Variants in CCDC85C observed in about 807,000 individuals in gnomAD.
CCDC85C encodes the protein coiled-coil domain containing 85C, also known as coiled-coil domain-containing protein 85C.
CCDC85C carries 18 observed loss-of-function variants against 38.3 expected under a neutral mutation model. That is an observed-to-expected ratio of 0.47 (90% CI 0.33 to 0.70). The LOEUF (loss-of-function observed/expected upper bound fraction) is 0.70, where lower values mean the gene tolerates loss of function less well. Ranked by LOEUF, CCDC85C falls within the 30% of genes least tolerant of loss-of-function variation. The pLI is 0.03. For missense variants in CCDC85C, 566 were observed against 621.2 expected (o/e 0.91, Z 0.94); for synonymous variants, 264 against 293.8 (o/e 0.90, Z 1.04).
intron 2 of CCDC85C, among the ~76,000 whole-genome samples, chr14:99,524,982 G>A (rs1261342006): frequency 6.6e-6 from 1 of 152,244 alleles, no homozygotes; most frequent in Non-Finnish European, 1.5e-5. Context: ...GGTGGGGCCA[G>A]CCCTGCCAAA....
At chr14:99,577,475 G>A (rs182906998) in intron 1 of CCDC85C, among the ~76,000 whole-genome samples, 3 of 151,176 alleles carry the variant, frequency 2.0e-5, no homozygotes, top group East Asian at 2.0e-4. Context: ...TGGGCACGCC[G>A]CCTCACCTCT....
intron 1 of CCDC85C, among the ~76,000 whole-genome samples, chr14:99,575,447 G>A (rs920330495): frequency 6.6e-6 from 1 of 152,180 alleles, no homozygotes; most frequent in South Asian, 2.1e-4. Context: ...CACCTCGAAG[G>A]GTTGCCAGAA....
In CCDC85C at chr14:99,603,155, T is replaced by C; in HGVS notation, c.793+12A>G. 1 of 1,353,064 alleles carries C rather than the reference T, an allele frequency of 7.4e-7. No individual in the cohort carries two copies. Among genetic ancestry groups the C allele is most frequent in the Admixed American group, 3.6e-5 (1 of 27,514 alleles). 83.8% of individuals were successfully genotyped at this position (1,353,064 alleles called of 1,614,324 possible). A position where few individuals can be genotyped will look rare whatever the true frequency, so the allele number is the denominator to read the frequency against. ...AGGGAGACCCGCGCTGCCCGGCCCG[T>C]GTAGTCCTTACCGTGCAGGCCGTTG... On this transcript the variant is annotated intron_variant, in intron 1 of 5. Coordinates refer to ENST00000380243, the MANE Select transcript of CCDC85C (RefSeq NM_001144995.2). The surrounding 1 kb of genome is among the most constrained non-coding windows in gnomAD (Gnocchi z 7.5).
chr14:99,557,110 G>C (rs1218497181), intron 1 of CCDC85C, among the ~76,000 whole-genome samples: 1 of 152,194 alleles, frequency 6.6e-6, no homozygotes, highest in African/African-American at 2.4e-5. Flanking sequence ...CTTTACCTCT[G>C]TTACCTTCTC....
At chr14:99,590,897 A>G (rs1420710682) in intron 1 of CCDC85C, among the ~76,000 whole-genome samples, 2 of 152,228 alleles carry the variant, frequency 1.3e-5, no homozygotes, top group African/African-American at 4.8e-5. Context: ...GCAGGGGCCA[A>G]GCCCAGAGTC....
rs539049138 is a variant in CCDC85C at position 99,544,629 on chromosome 14, C to T, written c.794-8541G>A. On this transcript the variant is annotated intron_variant, in intron 1 of 5. Transcript: ENST00000380243. This position sits in a 1 kb window ranked among gnomAD's most constrained non-coding sequence, Gnocchi z 5.3. ...CCTCTCCCAGAGCAGAAATTCTCTT[C>T]GTGACGCAAGGTGACTTTCAGGGCC... 1.3e-5 allele frequency among the ~76,000 whole-genome samples: 2 copies of T among 152,252 alleles called. No individual in the cohort carries two copies. Among genetic ancestry groups the T allele is most frequent in the African/African-American group, 2.4e-5 (1 of 41,540 alleles).
At chr14:99,537,952 A>C (rs1349950916) in intron 1 of CCDC85C, among the ~76,000 whole-genome samples, 1 of 152,176 alleles carries the variant, frequency 6.6e-6, no homozygotes, top group African/African-American at 2.4e-5. Flanking sequence ...GGCTCCCTGG[A>C]ACACCAGCTG....
At chr14:99,534,705 G>T (rs1429257456) in intron 2 of CCDC85C, 1 of 702,408 alleles carries the variant, frequency 1.4e-6, no homozygotes, top group Admixed American at 2.0e-5. Flanking sequence ...GCCCCGCCAG[G>T]TCTGCAATGG....
chr14:99,568,701 C>T (rs913268860), intron 1 of CCDC85C, among the ~76,000 whole-genome samples: 2 of 152,230 alleles, frequency 1.3e-5, no homozygotes, highest in African/African-American at 2.4e-5. Flanking sequence ...AGGGCAGGGC[C>T]GCTGGGCTGC....
intron 1 of CCDC85C, 78 bp from the exon 2 acceptor site, chr14:99,536,166 G>A: frequency 9.9e-7 from 1 of 1,014,604 alleles, no homozygotes; most frequent in South Asian, 1.4e-5. Flanking sequence ...ACTGGCCCCA[G>A]ACCCGGCATG....
intron 1 of CCDC85C, among the ~76,000 whole-genome samples, chr14:99,561,512 C>A (rs1212404649): frequency 6.6e-6 from 1 of 152,216 alleles, no homozygotes; most frequent in Non-Finnish European, 1.5e-5. Context: ...AGTCCCTCCC[C>A]CACTGGAAAA....
At chr14:99,540,083 G>T (rs1897681767) in intron 1 of CCDC85C, among the ~76,000 whole-genome samples, 1 of 152,204 alleles carries the variant, frequency 6.6e-6, no homozygotes, top group East Asian at 1.9e-4. Flanking sequence ...GGGAGGCAGA[G>T]GTTGCAGTGA....
chr14:99,528,242 G>A (rs560803577), intron 2 of CCDC85C, among the ~76,000 whole-genome samples: 58 of 152,186 alleles, frequency 3.8e-4, no homozygotes, highest in Non-Finnish European at 7.2e-4. Flanking sequence ...TCGGGCGGCC[G>A]TAGGGGCGGG....
At chr14:99,534,119 C>T (rs10136578) in intron 2 of CCDC85C, among the ~76,000 whole-genome samples, 1 of 151,898 alleles carries the variant, frequency 6.6e-6, no homozygotes, top group Non-Finnish European at 1.5e-5. Flanking sequence ...ACTTTGGGAG[C>T]CTGATGTGAG....
chr14:99,603,716 G>A lies in CCDC85C; in HGVS notation c.244C>T (p.Gln82Ter). Residue 82 changes from glutamine to a stop codon, truncating the protein, a stop_gained, in exon 1 of 6, where the codon CAG becomes TAG. Coordinates refer to ENST00000380243, the MANE Select transcript of CCDC85C (RefSeq NM_001144995.2). LOFTEE classifies it high-confidence loss of function. This position sits in a 1 kb window ranked among gnomAD's most constrained non-coding sequence, Gnocchi z 7.5. ...DVNQRLQDDN[Q>*]ELRELCCFLD... ...AAGCAGCAGAGCTCGCGCAGCTCCT[G>A]GTTGTCGTCCTGCAGCCGCTGGTTC... The A allele has an allele frequency of 1.3e-6, 2 of 1,518,002 alleles. No homozygotes were observed. Among genetic ancestry groups the A allele is most frequent in the Non-Finnish European group, 1.8e-6 (2 of 1,138,390 alleles). 94.0% of individuals were successfully genotyped at this position (1,518,002 alleles called of 1,614,324 possible).
Position 99,502,500 on chromosome 14 carries a change from T to C in CCDC85C, c.*12746A>G. The C allele has an allele frequency of 7.1e-7, 1 of 1,407,664 alleles. No individual in the cohort carries two copies. The highest frequency in any genetic ancestry group is 1.5e-5 in the South Asian group (1 of 66,734). The allele number at this position is 1,407,664 out of a possible 1,614,324, so 87.2% of individuals were successfully genotyped here. On this transcript the variant is annotated 3_prime_UTR_variant, in exon 6 of 6. Coordinates refer to ENST00000380243, the MANE Select transcript of CCDC85C (RefSeq NM_001144995.2). ...ATATGTGAGCAATATTTCAGAAGCA[T>C]CATTAATTAAATTATCTAATAGTTT...
At chr14:99,530,328 A>C (rs1897468604) in intron 2 of CCDC85C, among the ~76,000 whole-genome samples, 1 of 152,162 alleles carries the variant, frequency 6.6e-6, no homozygotes, top group Non-Finnish European at 1.5e-5. Flanking sequence ...AGAGACCCAA[A>C]GACTACACTG....
At chr14:99,570,404 C>T (rs1315642585) in intron 1 of CCDC85C, among the ~76,000 whole-genome samples, 1 of 152,196 alleles carries the variant, frequency 6.6e-6, no homozygotes, top group East Asian at 1.9e-4. Context: ...GCAGCACCTG[C>T]GTGCCTGGCC....
chr14:99,549,355 C>T (rs1360556966), intron 1 of CCDC85C, among the ~76,000 whole-genome samples: 2 of 152,228 alleles, frequency 1.3e-5, no homozygotes, highest in African/African-American at 4.8e-5. Flanking sequence ...CAGCAGTGAC[C>T]TCCTTGGGTG....
Sources: gnomAD v4.1 joint callset for allele counts (sites outside exome capture counted in the v4.1 genomes callset) on GRCh38, gnomAD v4.1.1 for gene constraint, Gnocchi (gnomAD v3.1) non-coding constraint, MANE v1.5 for transcripts, NCBI Gene and HGNC (gene_info 2026-07-23, HGNC 2026-07-21) for gene names.